ATOSA: variants seen among roughly 807,000 people sequenced by gnomAD.
The protein encoded by ATOSA is atos homolog A.
chr15:52,671,562 C>T, the ATOSA span, among the ~76,000 whole-genome samples: 9 of 152,228 alleles, frequency 5.9e-5, no homozygotes, highest in African/African-American at 7.2e-5. Context: ...TAAAATCTAG[C>T]TGTAGAGACA....
At chr15:52,618,115 T>C in the ATOSA span, among the ~76,000 whole-genome samples, 3 of 151,992 alleles carry the variant, frequency 2.0e-5, no homozygotes, top group Non-Finnish European at 4.4e-5. Flanking sequence ...CTCAGCTCAC[T>C]GCAAGCTCTG....
At chr15:52,701,966 C>A in the ATOSA span, among the ~76,000 whole-genome samples, 1 of 151,698 alleles carries the variant, frequency 6.6e-6, no homozygotes, top group South Asian at 2.1e-4. Flanking sequence ...AAAGAGAAGA[C>A]AAAAAATCTT....
At chr15:52,590,084 G>A in the ATOSA span, among the ~76,000 whole-genome samples, 87,315 of 151,580 alleles carry the variant, frequency 0.58, 28,674 homozygotes, top group Non-Finnish European at 0.74. Context: ...CACCATGCCC[G>A]GCCCTTCTTC....
At chr15:52,581,965 T>C in the ATOSA span, 2 of 486,974 alleles carry the variant, frequency 4.1e-6, no homozygotes, top group African/African-American at 4.1e-5. Flanking sequence ...CAAAAAGGAT[T>C]AGGACATGAG....
chr15:52,609,601 T>C, the ATOSA span: 1 of 1,613,024 alleles, frequency 6.2e-7, no homozygotes, highest in Non-Finnish European at 8.5e-7. Flanking sequence ...ATTGGTGTCT[T>C]CTGGGGAACT....
chr15:52,640,789 C>T, the ATOSA span, among the ~76,000 whole-genome samples: 1 of 151,656 alleles, frequency 6.6e-6, no homozygotes, highest in African/African-American at 2.4e-5. Context: ...TTATAACTGA[C>T]ATAATTATAC....
chr15:52,625,535 CAACTAT>C, the ATOSA span, among the ~76,000 whole-genome samples: 2 of 152,126 alleles, frequency 1.3e-5, no homozygotes, highest in African/African-American at 4.8e-5. Context: ...ATCAACTTAT[CAACTAT>C]AAGTAAAAAA....
At chr15:52,621,574 G>T in the ATOSA span, among the ~76,000 whole-genome samples, 1 of 152,148 alleles carries the variant, frequency 6.6e-6, no homozygotes, top group African/African-American at 2.4e-5. Flanking sequence ...GGAGGTAATT[G>T]AACCATGGGG....
chr15:52,706,888 G>A, the ATOSA span, among the ~76,000 whole-genome samples: 2 of 152,128 alleles, frequency 1.3e-5, no homozygotes, highest in African/African-American at 4.8e-5. Flanking sequence ...GTTTCCCTAG[G>A]GCTGGGGGAA....
the ATOSA span, chr15:52,584,699 T>G: frequency 6.5e-7 from 1 of 1,536,894 alleles, no homozygotes; most frequent in Non-Finnish European, 8.8e-7. Flanking sequence ...CTAAAAATTT[T>G]AGAGTTGTTC....
At chr15:52,582,093 T>C in the ATOSA span, 9 of 1,358,450 alleles carry the variant, frequency 6.6e-6, no homozygotes, top group Non-Finnish European at 6.9e-6. Context: ...CACTCCATTC[T>C]ATGCTAATTT....
At chr15:52,611,021 T>TTACAATTCACTTGCAATTC in the ATOSA span, 1 of 1,284,864 alleles carries the variant, frequency 7.8e-7, no homozygotes, top group South Asian at 1.8e-5. Flanking sequence ...TTTTATCCAC[T>TTACAATTCACTTGCAATTC]TACATTTAGA....
chr15:52,687,384 G>T, the ATOSA span, among the ~76,000 whole-genome samples: 1 of 152,254 alleles, frequency 6.6e-6, no homozygotes, highest in Non-Finnish European at 1.5e-5. Context: ...CAGCCTGGGC[G>T]ACAGAGCGAG....
At chr15:52,618,001 T>C in the ATOSA span, among the ~76,000 whole-genome samples, 2 of 151,082 alleles carry the variant, frequency 1.3e-5, no homozygotes, top group African/African-American at 4.9e-5. Flanking sequence ...AAATACCGTG[T>C]ACCAAAGCCT....
At chr15:52,693,584 C>T in the ATOSA span, among the ~76,000 whole-genome samples, 1 of 152,158 alleles carries the variant, frequency 6.6e-6, no homozygotes, top group Admixed American at 6.5e-5. Flanking sequence ...CAAAACCATA[C>T]TATCACTTAG....
At chr15:52,623,194 G>A in the ATOSA span, among the ~76,000 whole-genome samples, 1 of 151,504 alleles carries the variant, frequency 6.6e-6, no homozygotes, top group Non-Finnish European at 1.5e-5. Context: ...TCAGGGACCA[G>A]ATCATATAGG....
chr15:52,644,268 CT>C, the ATOSA span, among the ~76,000 whole-genome samples: 3 of 152,110 alleles, frequency 2.0e-5, no homozygotes, highest in Admixed American at 6.6e-5. Context: ...AAAAATTTAA[CT>C]TTACCTCTTC....
chr15:52,647,922 C>T, the ATOSA span, among the ~76,000 whole-genome samples: 1 of 152,156 alleles, frequency 6.6e-6, no homozygotes, highest in South Asian at 2.1e-4. Context: ...TGCACTTACC[C>T]ATGAACCCTG....
At chr15:52,701,926 C>A in the ATOSA span, among the ~76,000 whole-genome samples, 4 of 151,668 alleles carry the variant, frequency 2.6e-5, no homozygotes, top group African/African-American at 9.7e-5. Flanking sequence ...ATAGCAAGAC[C>A]CCATCTCAAC....
Sources: gnomAD v4.1 joint callset for allele counts (sites outside exome capture counted in the v4.1 genomes callset) on GRCh38, gnomAD v4.1.1 for gene constraint, MANE v1.5 for transcripts, NCBI Gene and HGNC (gene_info 2026-07-23, HGNC 2026-07-21) for gene names.